RRBP1: variants seen among roughly 807,000 people sequenced by gnomAD.
RRBP1 encodes the protein ribosome binding protein 1, also known as ribosome-binding protein 1.
RRBP1 carries 94 observed loss-of-function variants against 165.2 expected under a neutral mutation model. The ratio of observed to expected loss-of-function variants is 0.57; its 90% confidence interval spans 0.48 to 0.68. The LOEUF is 0.68. Ranked by LOEUF, RRBP1 falls within the 30% of genes least tolerant of loss-of-function variation. The pLI is 0.00. For missense variants in RRBP1, 1,676 were observed against 1,763.0 expected (o/e 0.95, Z 0.88); for synonymous variants, 680 against 714.5 (o/e 0.95, Z 0.77).
intron 21 of RRBP1, among the ~76,000 whole-genome samples, 158 bp downstream of exon 21, chr20:17,616,574 C>T (rs1455560375): frequency 1.3e-5 from 2 of 152,212 alleles, no homozygotes; most frequent in Non-Finnish European, 2.9e-5. Flanking sequence ...CTGTGGCTTT[C>T]TCCGAACCTG....
intron 2 of RRBP1, among the ~76,000 whole-genome samples, chr20:17,663,286 G>C (rs2036804234): frequency 6.6e-6 from 1 of 152,204 alleles, no homozygotes; most frequent in Admixed American, 6.5e-5. Flanking sequence ...CAGCAGAAAA[G>C]CCAAGGCTGG....
At chr20:17,636,498 G>A in intron 6 of RRBP1, 79 bp downstream of exon 6, 2 of 1,526,484 alleles carry the variant, frequency 1.3e-6, no homozygotes, top group East Asian at 2.3e-5. Flanking sequence ...CTCACCCTTT[G>A]GGCCTCTCTG....
At chr20:17,677,568 G>A (rs192902717) in intron 2 of RRBP1, among the ~76,000 whole-genome samples, 16 of 152,306 alleles carry the variant, frequency 1.1e-4, no homozygotes, top group East Asian at 9.6e-4. Flanking sequence ...GGCCGGGCAC[G>A]GTGGCTCATG....
At chr20:17,675,967 G>A (rs116147688) in intron 2 of RRBP1, among the ~76,000 whole-genome samples, 2 of 152,228 alleles carry the variant, frequency 1.3e-5, no homozygotes, top group South Asian at 4.1e-4. Context: ...TGGCACTTTG[G>A]GTGGCCAAGG....
In RRBP1 at chr20:17,625,516, T is replaced by C. The variant is rs141970450; in HGVS notation, c.3050A>G (p.Asn1017Ser). 51 of 1,613,632 alleles carry C rather than the reference T, an allele frequency of 3.2e-5. No individual in the cohort carries two copies. The African/African-American group carries it at 6.0e-4, about 19-fold the overall frequency. Residue 1017 changes from asparagine to serine, a missense_variant, in exon 12 of 25, where the codon AAC (asparagine) becomes AGC (serine). Around this residue, in one of 5 missense-constraint regions of RRBP1, gnomAD observed 1,184 missense variants for 1,167.1 expected, o/e 1.01. Coordinates refer to ENST00000377813, the MANE Select transcript of RRBP1 (RefSeq NM_001365613.2). ...REAVEQQKVK[N>S]NDLREKNWKA... ...GCCTGTGCCTGCCGCACTCACATTG[T>C]TCTTCACTTTCTGCTGCTCGACGGC... is the stretch of plus-strand genomic sequence containing the variant.
At position 17,638,126 on chromosome 20, in the gene RRBP1, C is replaced by G. The variant is rs75376418; in HGVS notation, c.2185-1397G>C. 7.8e-3 allele frequency among the ~76,000 whole-genome samples: 1,188 copies of G among 152,308 alleles called. 18 individuals are homozygous for G. The highest frequency in any genetic ancestry group is 0.027 in the African/African-American group (1,112 of 41,552). On this transcript the variant is annotated intron_variant, in intron 5 of 24. Transcript: ENST00000377813. ...CCTGGGGAAAGGGAGGACAGCTTAG[C>G]GGTGATTCCAGGACCCCTCCGCACT...
intron 20 of RRBP1, among the ~76,000 whole-genome samples, chr20:17,617,064 C>T (rs966351379): frequency 1.3e-5 from 2 of 152,234 alleles, no homozygotes; most frequent in African/African-American, 4.8e-5. Context: ...ATGTGCTCTG[C>T]TCCAAGCCCA....
At chr20:17,633,184 T>G (rs944970247) in intron 8 of RRBP1, among the ~76,000 whole-genome samples, 1 of 152,192 alleles carries the variant, frequency 6.6e-6, no homozygotes, top group Non-Finnish European at 1.5e-5. Context: ...GCCTACCTCA[T>G]AGGGTTACAA....
rs1360799559 is a variant in RRBP1 at position 17,619,506 on chromosome 20, C to T, written c.3675+127G>A. The stretch of plus-strand genomic sequence containing the variant: ...AGGGGCCTGTGAGGCTTCGGGCAAA[C>T]GCCTGAGGACTCGGACTTCAAGGCT... On this transcript the variant is annotated intron_variant, in intron 19 of 24. Coordinates refer to ENST00000377813, the MANE Select transcript of RRBP1 (RefSeq NM_001365613.2). 4.3e-5 allele frequency: 27 copies of T among 630,372 alleles called. 1 individual carries two copies. Among genetic ancestry groups the T allele is most frequent in the South Asian group, 1.4e-4 (6 of 43,886 alleles). 39.0% of individuals were successfully genotyped at this position (630,372 alleles called of 1,614,324 possible). A position where few individuals can be genotyped will look rare whatever the true frequency, so the allele number is the denominator to read the frequency against.
chr20:17,614,440 A>G (rs746777953), intron 24 of RRBP1, among the ~76,000 whole-genome samples: 21 of 151,938 alleles, frequency 1.4e-4, no homozygotes, highest in Non-Finnish European at 2.8e-4. Context: ...GGGCTGGAGC[A>G]CTGGCTAAGG....
intron 11 of RRBP1, among the ~76,000 whole-genome samples, chr20:17,626,810 G>A (rs941900546): frequency 1.8e-4 from 27 of 152,198 alleles, no homozygotes; most frequent in African/African-American, 6.5e-4. Context: ...ATGGCCTGGC[G>A]CTGGTGCTGC....
At chr20:17,680,203 G>C (rs2037154102) in intron 1 of RRBP1, 128 bp from the exon 2 acceptor site, 1 of 152,240 alleles carries the variant, frequency 6.6e-6, no homozygotes, top group African/African-American at 2.4e-5. Context: ...CGGATTAACA[G>C]GAAGTTAAAT....
At chr20:17,626,233 A>C (rs1225478562) in intron 11 of RRBP1, among the ~76,000 whole-genome samples, 2 of 152,216 alleles carry the variant, frequency 1.3e-5, no homozygotes, top group Non-Finnish European at 2.9e-5. Context: ...TAACTACAAC[A>C]TGAGTTCATT....
At chr20:17,665,059 T>C (rs1450623207) in intron 2 of RRBP1, among the ~76,000 whole-genome samples, 1 of 152,150 alleles carries the variant, frequency 6.6e-6, no homozygotes, top group Non-Finnish European at 1.5e-5. Flanking sequence ...CCATATGCAC[T>C]TTAGATATTT....
At chr20:17,619,256 C>T (rs910590942) in intron 19 of RRBP1, 1 of 200,714 alleles carries the variant, frequency 5.0e-6, no homozygotes, top group African/African-American at 2.3e-5. Context: ...GGATACTGGG[C>T]TTGTGCTTCT....
At chr20:17,638,275 C>T (rs115781490) in intron 5 of RRBP1, among the ~76,000 whole-genome samples, 1,915 of 152,356 alleles carry the variant, frequency 0.013, 18 homozygotes, top group Middle Eastern at 0.034. Flanking sequence ...TCCGACACAA[C>T]GGCCCTTCCA....
At chr20:17,657,638 GGAGA>G (rs998709711) in intron 3 of RRBP1, among the ~76,000 whole-genome samples, 4 of 152,004 alleles carry the variant, frequency 2.6e-5, no homozygotes, top group Non-Finnish European at 5.9e-5. Flanking sequence ...GGAAAGGAGA[GGAGA>G]GAAAGAAAAC....
intron 3 of RRBP1, among the ~76,000 whole-genome samples, chr20:17,646,854 C>A (rs371645746): frequency 3.3e-5 from 5 of 152,162 alleles, no homozygotes; most frequent in Admixed American, 6.5e-5. Flanking sequence ...GGCCAGGGCT[C>A]AGGCATAGAA....
At chr20:17,661,106 A>G (rs1389155557) in intron 2 of RRBP1, among the ~76,000 whole-genome samples, 1 of 152,240 alleles carries the variant, frequency 6.6e-6, no homozygotes, top group African/African-American at 2.4e-5. Context: ...AACCAAACAC[A>G]TCTGCAGGCT....
Sources: gnomAD v4.1 joint callset for allele counts (sites outside exome capture counted in the v4.1 genomes callset) on GRCh38, gnomAD v4.1.1 for gene constraint, gnomAD v4.1.1 regional missense constraint, MANE v1.5 for transcripts, NCBI Gene and HGNC (gene_info 2026-07-23, HGNC 2026-07-21) for gene names.